Variants in TRIM23 observed in about 807,000 individuals in gnomAD.
TRIM23 encodes E3 ubiquitin-protein ligase TRIM23.
TRIM23 carries 27 observed loss-of-function variants against 71.0 expected under a neutral mutation model. That is an observed-to-expected ratio of 0.38 (90% CI 0.28 to 0.52). TRIM23 has a LOEUF of 0.52. Ranked by LOEUF, TRIM23 falls within the 20% of genes least tolerant of loss-of-function variation. The probability of loss-of-function intolerance (pLI) is 0.84; values close to 1 mark genes in which losing one functional copy is unlikely to be tolerated. For missense variants in TRIM23, 482 were observed against 692.3 expected (o/e 0.70, Z 3.41); for synonymous variants, 234 against 238.0 (o/e 0.98, Z 0.16).
At chr5:65,608,644 C>G (rs1196549721) in intron 6 of TRIM23, among the ~76,000 whole-genome samples, 1 of 152,148 alleles carries the variant, frequency 6.6e-6, no homozygotes, top group Non-Finnish European at 1.5e-5. Flanking sequence ...ATCCAAAACA[C>G]AAATGGGTAA....
Position 65,611,693 on chromosome 5 carries a change from G to A in TRIM23, c.555C>T (p.Ala185=), listed in dbSNP as rs778048178. The A allele has an allele frequency of 1.9e-6, 3 of 1,614,162 alleles. No homozygotes were observed. The highest frequency in any genetic ancestry group is 2.5e-6 in the Non-Finnish European group (3 of 1,180,030). The change falls in exon 4 of 11, where the codon GCC becomes GCT. Residue 185 remains alanine, a synonymous_variant. Transcript: ENST00000231524. ...CTTCTTCCAAGCAAACAAACTCAAT[G>A]GCATGCACCTGGTGCTGAGAGCACA... ...KTMCSQHQVH[A]IEFVCLEEGC... is the part of the protein sequence containing the mutation.
At chr5:65,619,302 G>T (rs1276468028) in intron 1 of TRIM23, among the ~76,000 whole-genome samples, 3 of 152,150 alleles carry the variant, frequency 2.0e-5, no homozygotes, top group Non-Finnish European at 4.4e-5. Context: ...GATGTACTCT[G>T]TATAAGCGTC....
intron 10 of TRIM23, among the ~76,000 whole-genome samples, chr5:65,593,185 A>G (rs1433845844): frequency 6.6e-6 from 1 of 152,188 alleles, no homozygotes; most frequent in Non-Finnish European, 1.5e-5. Flanking sequence ...CTGTAATCCC[A>G]GCACTTTGGG....
intron 7 of TRIM23, among the ~76,000 whole-genome samples, chr5:65,603,474 C>T (rs939979786): frequency 6.6e-6 from 1 of 151,932 alleles, no homozygotes; most frequent in African/African-American, 2.4e-5. Context: ...CTTTTAAATC[C>T]AAGTGGTGTG....
chr5:65,590,435 AACC>A lies in TRIM23; in HGVS notation c.*1331_*1333del. 7.4e-7 allele frequency: 1 copy of A among 1,357,728 alleles called. No individual in the cohort carries two copies. The highest frequency in any genetic ancestry group is 9.5e-7 in the Non-Finnish European group (1 of 1,049,156). 84.1% of individuals were successfully genotyped at this position (1,357,728 alleles called of 1,614,324 possible). A position where few individuals can be genotyped will look rare whatever the true frequency, so the allele number is the denominator to read the frequency against. On this transcript the variant is annotated 3_prime_UTR_variant, in exon 11 of 11. Coordinates refer to ENST00000231524, the MANE Select transcript of TRIM23 (RefSeq NM_001656.4). Reference sequence around the variant, plus strand: ...AACAAAAATAGATTTGAAAAGAATGAACCACAACAGTGCTACCAAAAAGTCACA... The same window carrying A: ...AACAAAAATAGATTTGAAAAGAATGAACAACAGTGCTACCAAAAAGTCACA...
At position 65,624,246 on chromosome 5, in the gene TRIM23, C is replaced by T. The variant is rs200422065; in HGVS notation, c.29G>A (p.Gly10Glu). 28 of 1,614,226 alleles carry T rather than the reference C, an allele frequency of 1.7e-5. 1 individual carries two copies. The highest frequency in any genetic ancestry group is 7.7e-5 in the South Asian group (7 of 91,090). ...CTGCCGGCCACTGTCTACTCCCGCT[C>T]CGAGCTTGTTTACAACCAGGGTAGC... The part of the protein sequence containing the change: MATLVVNKL[G>E]AGVDSGRQGS... The change falls in exon 1 of 11, where the codon GGA becomes GAA. Residue 10 changes from glycine to glutamate, a missense_variant. By Grantham distance (98) the Gly-to-Glu change is moderately conservative. This residue lies in a region of TRIM23 where 175 missense variants were observed against 196.5 expected (regional missense o/e 0.89). Transcript: ENST00000231524.
In TRIM23 at chr5:65,594,433, G is replaced by C. The variant is rs1055154272; in HGVS notation, c.1545+88C>G. ...ACAGAAGAAACTATAAATATCTATTGAACTGATTGTCTTCTGAAATATTTC... is the reference window on the plus strand; with the variant it reads ...ACAGAAGAAACTATAAATATCTATTCAACTGATTGTCTTCTGAAATATTTC... On this transcript the variant is annotated intron_variant, in intron 10 of 10. Transcript: ENST00000231524. The C allele has an allele frequency of 2.8e-6, 4 of 1,433,422 alleles. No homozygotes were observed. In the South Asian group the frequency reaches 4.1e-5, roughly 15 times the overall value. The allele number at this position is 1,433,422 out of a possible 1,614,324, so 88.8% of individuals were successfully genotyped here.
At chr5:65,607,694 C>G (rs990132182) in intron 6 of TRIM23, among the ~76,000 whole-genome samples, 14 of 152,134 alleles carry the variant, frequency 9.2e-5, no homozygotes, top group African/African-American at 2.9e-4. Context: ...CTCTAAAATA[C>G]TTAAATATTT....
At chr5:65,594,120 TCTC>T (rs1356172713) in intron 10 of TRIM23, among the ~76,000 whole-genome samples, 5 of 152,210 alleles carry the variant, frequency 3.3e-5, no homozygotes, top group Non-Finnish European at 7.3e-5. Flanking sequence ...GCTATTATCT[TCTC>T]TGTCTATAAT....
chr5:65,593,816 T>C (rs1447314526), intron 10 of TRIM23, among the ~76,000 whole-genome samples: 1 of 152,208 alleles, frequency 6.6e-6, no homozygotes, highest in African/African-American at 2.4e-5. Context: ...AGGCTCTTGT[T>C]AATGCTCACT....
chr5:65,617,454 A>G (rs1193299699), intron 2 of TRIM23, among the ~76,000 whole-genome samples: 4 of 152,238 alleles, frequency 2.6e-5, no homozygotes, highest in African/African-American at 9.6e-5. Flanking sequence ...CTTATCAAAA[A>G]GAGTAAACTT....
At chr5:65,609,590 C>T (rs1754600552) in intron 5 of TRIM23, 132 bp from the exon 6 acceptor site, 10 of 932,140 alleles carry the variant, frequency 1.1e-5, no homozygotes, top group African/African-American at 1.7e-5. Flanking sequence ...ATTAGCCAGC[C>T]GTGGTGGCAT....
In TRIM23 at chr5:65,591,953, A is replaced by C; in HGVS notation, c.1546-5T>G. 1 of 1,612,924 alleles carries C rather than the reference A, an allele frequency of 6.2e-7. No homozygotes were observed. The highest frequency in any genetic ancestry group is 8.5e-7 in the Non-Finnish European group (1 of 1,179,202). Reference sequence around the variant, plus strand: ...TGACAGTGCTCCAGCAACATCCTGAAAGATATATACACATATTTTTTATCA... The same window carrying C: ...TGACAGTGCTCCAGCAACATCCTGACAGATATATACACATATTTTTTATCA... On this transcript the variant is annotated splice_polypyrimidine_tract_variant and splice_region_variant and intron_variant, in intron 10 of 10. Coordinates refer to ENST00000231524, the MANE Select transcript of TRIM23 (RefSeq NM_001656.4).
chr5:65,624,109 C>A (rs544578505), intron 1 of TRIM23, 85 bp downstream of exon 1: 2 of 1,558,948 alleles, frequency 1.3e-6, no homozygotes, highest in Admixed American at 1.7e-5. Flanking sequence ...CCTATCGAAG[C>A]CTGGGCCGCG....
chr5:65,601,328 C>A (rs1754359727), intron 7 of TRIM23, among the ~76,000 whole-genome samples: 1 of 152,106 alleles, frequency 6.6e-6, no homozygotes, highest in Admixed American at 6.5e-5. Flanking sequence ...AAAGACATAC[C>A]CAAGACTGGG....
chr5:65,622,875 C>T (rs931681488), intron 1 of TRIM23, among the ~76,000 whole-genome samples: 1 of 152,190 alleles, frequency 6.6e-6, no homozygotes, highest in African/African-American at 2.4e-5. Flanking sequence ...ATAGATACTG[C>T]AATGATACCC....
intron 1 of TRIM23, among the ~76,000 whole-genome samples, chr5:65,620,390 T>C (rs747676546): frequency 2.9e-4 from 44 of 152,208 alleles, no homozygotes; most frequent in Middle Eastern, 3.4e-3. Context: ...AGCAAAAAAT[T>C]GGAAAGAAAG....
intron 2 of TRIM23, among the ~76,000 whole-genome samples, chr5:65,617,345 T>C (rs1330108592): frequency 6.6e-6 from 1 of 152,182 alleles, no homozygotes; most frequent in Non-Finnish European, 1.5e-5. Flanking sequence ...TTGAATGTGT[T>C]CCACTTGAAA....
intron 2 of TRIM23, among the ~76,000 whole-genome samples, chr5:65,614,731 T>G (rs1039666868): frequency 1.4e-5 from 2 of 140,580 alleles, no homozygotes; most frequent in Non-Finnish European, 3.0e-5. Flanking sequence ...CAAGACTCTA[T>G]CTCAAAAAAA....
Sources: gnomAD v4.1 joint callset for allele counts (sites outside exome capture counted in the v4.1 genomes callset) on GRCh38, gnomAD v4.1.1 for gene constraint, gnomAD v4.1.1 regional missense constraint, MANE v1.5 for transcripts, NCBI Gene and HGNC (gene_info 2026-07-23, HGNC 2026-07-21) for gene names.